The following TMEM108 variants were observed in gnomAD, a reference collection of about 807,000 sequenced individuals.
TMEM108 encodes transmembrane protein 108.
A neutral mutation model predicts 35.1 loss-of-function variants in TMEM108; 12 were observed. The observed-to-expected ratio is 0.34, with a 90% confidence interval of 0.22 to 0.55. The LOEUF (loss-of-function observed/expected upper bound fraction) is 0.55. TMEM108 is among the 20% of genes least tolerant of loss of function. TMEM108 has a pLI of 0.89. For missense variants in TMEM108, 680 were observed against 753.3 expected (o/e 0.90, Z 1.14); for synonymous variants, 287 against 308.6 (o/e 0.93, Z 0.73).
intron 2 of TMEM108, among the ~76,000 whole-genome samples, chr3:133,208,881 C>G (rs112757280): frequency 0.015 from 2,287 of 152,292 alleles, 76 homozygotes; most frequent in African/African-American, 0.051. Context: ...ACCTTGTCTT[C>G]CTACTCTAGA....
At chr3:133,039,605 A>G (rs1225935438) in intron 1 of TMEM108, among the ~76,000 whole-genome samples, 1 of 152,238 alleles carries the variant, frequency 6.6e-6, no homozygotes, top group African/African-American at 2.4e-5. Context: ...AGGCAAACAT[A>G]AAAAGTCCCT....
At chr3:133,180,492 T>C (rs1037455959) in intron 2 of TMEM108, among the ~76,000 whole-genome samples, 2 of 152,154 alleles carry the variant, frequency 1.3e-5, no homozygotes. Flanking sequence ...AGCATTCTAG[T>C]CTTAAATACT....
At chr3:133,085,763 TA>T (rs1381667014) in intron 2 of TMEM108, among the ~76,000 whole-genome samples, 4 of 147,232 alleles carry the variant, frequency 2.7e-5, no homozygotes, top group African/African-American at 1.0e-4. Context: ...TAATTACTTT[TA>T]TTTTTTTTTC....
rs757708206 is a variant in TMEM108, at chr3:133,317,153, C to G, written c.41-62599C>G. Among the ~76,000 whole-genome samples, 15 of 152,290 alleles carry G rather than the reference C, an allele frequency of 9.8e-5. 1 individual carries two copies. The Middle Eastern group carries it at 0.014, about 138-fold the overall frequency. ...AAGTTCCTGGACTGACAAACATTCT[C>G]TGTGTATCCACAGCCCTAATATTAC... On this transcript the variant is annotated intron_variant, in intron 3 of 5. Transcript: ENST00000321871.
chr3:133,118,890 G>GAA (rs1316259217), intron 2 of TMEM108: 1 of 152,148 alleles, frequency 6.6e-6, no homozygotes, highest in Non-Finnish European at 1.5e-5. Context: ...ATAGTAAGAA[G>GAA]GTTGGCCCTG....
intron 2 of TMEM108, among the ~76,000 whole-genome samples, chr3:133,099,336 CT>C (rs1403533833): frequency 2.6e-5 from 4 of 152,192 alleles, no homozygotes; most frequent in African/African-American, 9.6e-5. Flanking sequence ...CACAAAACCA[CT>C]TTTTCCTCCT....
chr3:133,388,094 T>C lies in TMEM108; in HGVS notation c.1451-2086T>C, dbSNP rs118177109. 347 of 985,424 alleles carry C rather than the reference T, an allele frequency of 3.5e-4. 4 individuals are homozygous for C. The East Asian group carries it at 0.024, about 67-fold the overall frequency. The allele number at this position is 985,424 out of a possible 1,614,324, so 61.0% of individuals were successfully genotyped here. A position where few individuals can be genotyped will look rare whatever the true frequency, so the allele number is the denominator to read the frequency against. On this transcript the variant is annotated intron_variant, in intron 4 of 5. Coordinates refer to ENST00000321871, the MANE Select transcript of TMEM108 (RefSeq NM_023943.4). ...GAGCTGTTCTGTTTGTCCTGATTGC[T>C]CCCCTCCCTCTAGCTCTAACTCTAC...
At chr3:133,051,384 T>C (rs1043934359) in intron 2 of TMEM108, among the ~76,000 whole-genome samples, 1 of 152,146 alleles carries the variant, frequency 6.6e-6, no homozygotes, top group Non-Finnish European at 1.5e-5. Context: ...CTGTCGACTT[T>C]TAAGTTTTTT....
At chr3:133,390,114 G>T in intron 4 of TMEM108, 66 bp from the exon 5 acceptor site, 2 of 1,594,882 alleles carry the variant, frequency 1.3e-6, no homozygotes, top group Non-Finnish European at 1.7e-6. Flanking sequence ...TCATCAGTTC[G>T]GTGGTGCAAC....
chr3:133,166,080 T>C (rs1945032498), intron 2 of TMEM108, among the ~76,000 whole-genome samples: 3 of 152,240 alleles, frequency 2.0e-5, no homozygotes, highest in Non-Finnish European at 4.4e-5. Flanking sequence ...AGTTAGCATC[T>C]GTGAGCTGGA....
At chr3:133,169,004 G>A (rs531547415) in intron 2 of TMEM108, among the ~76,000 whole-genome samples, 52 of 152,232 alleles carry the variant, frequency 3.4e-4, no homozygotes, top group Admixed American at 2.0e-3. Flanking sequence ...GGACACATCC[G>A]AACATCAGAA....
chr3:133,385,627 C>T (rs187772429), intron 4 of TMEM108, among the ~76,000 whole-genome samples: 2 of 152,322 alleles, frequency 1.3e-5, no homozygotes, highest in African/African-American at 2.4e-5. Flanking sequence ...GGTTTCTCAT[C>T]GACAAAACAA....
chr3:133,341,417 T>C (rs943990491), intron 3 of TMEM108, among the ~76,000 whole-genome samples: 8 of 151,820 alleles, frequency 5.3e-5, no homozygotes. Context: ...TGGAAAGATA[T>C]ACCGTGTCTA....
At chr3:133,154,949 G>A (rs749826589) in intron 2 of TMEM108, among the ~76,000 whole-genome samples, 4 of 152,090 alleles carry the variant, frequency 2.6e-5, no homozygotes, top group African/African-American at 9.7e-5. Flanking sequence ...ATGACTAGGA[G>A]GTTCAGTATA....
intron 4 of TMEM108, 60 bp from the exon 5 acceptor site, chr3:133,390,120 G>A: frequency 3.7e-6 from 6 of 1,602,218 alleles, no homozygotes; most frequent in South Asian, 1.1e-5. Flanking sequence ...GTTCGGTGGT[G>A]CAACCCAGGC....
At chr3:133,150,342 G>GTTTTTT (rs10663538) in intron 2 of TMEM108, among the ~76,000 whole-genome samples, 4,393 of 109,428 alleles carry the variant, frequency 0.04, 373 homozygotes, top group African/African-American at 0.095. Context: ...AGGTTATTTG[G>GTTTTTT]TTTTTTTTTT....
At chr3:133,145,672 G>C (rs922991312) in intron 2 of TMEM108, among the ~76,000 whole-genome samples, 1 of 152,138 alleles carries the variant, frequency 6.6e-6, no homozygotes, top group African/African-American at 2.4e-5. Flanking sequence ...CCTTGAAGAG[G>C]TCCTTCACAT....
At chr3:133,058,252 C>T (rs1943496583) in intron 2 of TMEM108, among the ~76,000 whole-genome samples, 1 of 152,110 alleles carries the variant, frequency 6.6e-6, no homozygotes, top group Non-Finnish European at 1.5e-5. Flanking sequence ...TGTTTCTTGC[C>T]CTTTCAGCTA....
intron 2 of TMEM108, among the ~76,000 whole-genome samples, chr3:133,141,890 C>T (rs1944646848): frequency 6.6e-6 from 1 of 152,182 alleles, no homozygotes; most frequent in African/African-American, 2.4e-5. Flanking sequence ...GAATGAATCT[C>T]ATTTTCCCAC....
Sources: allele counts gnomAD v4.1 joint callset (sites outside exome capture counted in the v4.1 genomes callset), GRCh38; gene constraint gnomAD v4.1.1; transcripts MANE v1.5; gene names NCBI Gene and HGNC (gene_info 2026-07-23, HGNC 2026-07-21).